The following VGLL4 variants were observed in gnomAD, a reference collection of about 807,000 sequenced individuals.
VGLL4 encodes transcription cofactor vestigial-like protein 4.
Under a neutral mutation model 21.0 loss-of-function variants are expected in VGLL4, and 7 were observed. That is an observed-to-expected ratio of 0.33 (90% confidence interval 0.19 to 0.63). VGLL4 has a LOEUF of 0.63. VGLL4 is among the 20% of genes least tolerant of loss of function. The pLI is 0.78. For missense variants in VGLL4, 394 were observed against 425.7 expected, an observed-to-expected ratio of 0.93 and a Z score of 0.66; for synonymous variants, 222 against 173.2, an observed-to-expected ratio of 1.28 and a Z score of -2.21.
intron 1 of VGLL4, among the ~76,000 whole-genome samples, chr3:11,615,013 A>G (rs529740616): frequency 1.3e-5 from 2 of 152,328 alleles, no homozygotes; most frequent in South Asian, 2.1e-4. Context: ...TTTTAGCTAC[A>G]TGCATACACG....
intron 1 of VGLL4, among the ~76,000 whole-genome samples, chr3:11,715,121 C>T (rs952489051): frequency 8.3e-5 from 12 of 144,728 alleles, no homozygotes; most frequent in Admixed American, 5.7e-4. Flanking sequence ...GGTGACAGAG[C>T]GAGACTCCGT....
chr3:11,592,255 C>G (rs984820531), intron 2 of VGLL4, among the ~76,000 whole-genome samples: 3 of 152,248 alleles, frequency 2.0e-5, no homozygotes, highest in Admixed American at 6.5e-5. Flanking sequence ...GCTTGGGCCA[C>G]TAACTTAAAA....
chr3:11,634,401 T>C (rs1226423467), intron 1 of VGLL4, among the ~76,000 whole-genome samples: 1 of 152,166 alleles, frequency 6.6e-6, no homozygotes, highest in Admixed American at 6.5e-5. Flanking sequence ...GTCTATCCAC[T>C]GCTTTCCTCT....
At position 11,568,981 on chromosome 3, in the gene VGLL4, G is replaced by GC; in HGVS notation, c.273-3963dup. The GC allele has an allele frequency of 1.1e-5, 12 of 1,139,512 alleles. No individual in the cohort carries two copies. Among genetic ancestry groups the GC allele is most frequent in the Non-Finnish European group, 1.3e-5 (12 of 916,752 alleles). 70.6% of individuals were successfully genotyped at this position (1,139,512 alleles called of 1,614,324 possible). On this transcript the variant is annotated intron_variant, in intron 2 of 4. Coordinates refer to ENST00000430365, the MANE Select transcript of VGLL4 (RefSeq NM_001128219.3). This position sits in a 1 kb window ranked among gnomAD's most constrained non-coding sequence, Gnocchi z 5.9. ...GGAAAGAGGAGGGAGGGAAAGAGAGGCCTACAACACCATCATCCAGGACAG... is the reference window on the plus strand; with the variant it reads ...GGAAAGAGGAGGGAGGGAAAGAGAGGCCCTACAACACCATCATCCAGGACAG...
chr3:11,572,610 T>C (rs73023125), intron 2 of VGLL4, among the ~76,000 whole-genome samples: 3,919 of 152,302 alleles, frequency 0.026, 74 homozygotes, highest in South Asian at 0.055. Flanking sequence ...TGTCGTCCTC[T>C]TGCCACACGT....
intron 2 of VGLL4, among the ~76,000 whole-genome samples, chr3:11,664,232 C>T (rs983602542): frequency 3.9e-5 from 6 of 152,044 alleles, no homozygotes; most frequent in African/African-American, 1.2e-4. Context: ...ATCAAGAGTC[C>T]GTCTCAAAAA....
Position 11,558,478 on chromosome 3 carries a change from T to A in VGLL4, c.*78A>T. The A allele has an allele frequency of 6.8e-7, 1 of 1,479,268 alleles. No homozygotes were observed. Among genetic ancestry groups the A allele is most frequent in the Non-Finnish European group, 9.0e-7 (1 of 1,113,212 alleles). The allele number at this position is 1,479,268 out of a possible 1,614,324, so 91.6% of individuals were successfully genotyped here. ...TTCCCCCCACCCCACCCCCATGATT[T>A]TTTTTTTTTTAAGTACTGACTGTTC... is the stretch of plus-strand genomic sequence containing the variant. On this transcript the variant is annotated 3_prime_UTR_variant, in exon 5 of 5. Coordinates refer to ENST00000430365, the MANE Select transcript of VGLL4 (RefSeq NM_001128219.3).
Position 11,568,735 on chromosome 3 carries a change from C to A in VGLL4, c.273-3716G>T, listed in dbSNP as rs992003268. The A allele has an allele frequency of 4.5e-5, 69 of 1,534,810 alleles. No homozygotes were observed. The African/African-American group carries it at 9.0e-4, about 20-fold the overall frequency. On this transcript the variant is annotated intron_variant, in intron 2 of 4. Coordinates refer to ENST00000430365, the MANE Select transcript of VGLL4 (RefSeq NM_001128219.3). This position sits in a 1 kb window ranked among gnomAD's most constrained non-coding sequence, Gnocchi z 5.9. ...ATGTGCTCCCGGGGACGGCAGAAAA[C>A]CGCACGCATCCTGCCCGGGAGATGG... is the stretch of plus-strand genomic sequence containing the variant.
Position 11,694,619 on chromosome 3 carries a change from C to CA in VGLL4, c.64+8351dup, listed in dbSNP as rs879905337. On this transcript the variant is annotated intron_variant, in intron 2 of 5. Coordinates refer to the VGLL4 transcript ENST00000273038. Reference sequence around the variant, plus strand: ...CCTGGGCAAGAGTGAGACACTGTCTCAAAAAAAAAAAAGAAAAAAGGACAG... The same window carrying CA: ...CCTGGGCAAGAGTGAGACACTGTCTCAAAAAAAAAAAAAGAAAAAAGGACAG... 6.4e-3 allele frequency among the ~76,000 whole-genome samples: 791 copies of CA among 123,124 alleles called. 4 individuals are homozygous for CA. Among genetic ancestry groups the CA allele is most frequent in the African/African-American group, 0.014 (475 of 32,912 alleles). 80.8% of individuals were successfully genotyped at this position (123,124 alleles called of 152,430 possible).
chr3:11,685,404 G>T (rs1273756092), intron 2 of VGLL4, among the ~76,000 whole-genome samples: 1 of 151,968 alleles, frequency 6.6e-6, no homozygotes, highest in Non-Finnish European at 1.5e-5. Flanking sequence ...TCATCATGTT[G>T]GTCAGGCTGG....
At chr3:11,673,187 G>C (rs1469679530) in intron 2 of VGLL4, among the ~76,000 whole-genome samples, 3 of 152,110 alleles carry the variant, frequency 2.0e-5, no homozygotes, top group African/African-American at 4.8e-5. Flanking sequence ...GGAAGATAGA[G>C]ACCAAGTTAA....
chr3:11,639,861 G>A (rs1205623851), intron 1 of VGLL4, among the ~76,000 whole-genome samples: 5 of 151,884 alleles, frequency 3.3e-5, no homozygotes, highest in Non-Finnish European at 5.9e-5. Context: ...GGGCGACAGA[G>A]CAAGACTCCG....
At chr3:11,640,334 A>AG (rs1227657980) in intron 1 of VGLL4, among the ~76,000 whole-genome samples, 2 of 152,040 alleles carry the variant, frequency 1.3e-5, no homozygotes, top group Non-Finnish European at 2.9e-5. Flanking sequence ...TGTTCAGAGG[A>AG]GGGAAAAAAT....
intron 2 of VGLL4, among the ~76,000 whole-genome samples, chr3:11,677,427 A>G (rs1157185586): frequency 1.3e-5 from 2 of 151,872 alleles, no homozygotes; most frequent in African/African-American, 4.8e-5. Flanking sequence ...GTGCCACCAC[A>G]CCCAGCTAAT....
At chr3:11,560,109 T>C (rs183887796) in intron 3 of VGLL4, among the ~76,000 whole-genome samples, 9 of 151,874 alleles carry the variant, frequency 5.9e-5, no homozygotes, top group Non-Finnish European at 8.8e-5. Context: ...CTTCAAGCCC[T>C]GTTCAGATCT....
intron 1 of VGLL4, among the ~76,000 whole-genome samples, chr3:11,612,376 A>G (rs1212896191): frequency 6.6e-6 from 1 of 152,190 alleles, no homozygotes; most frequent in Non-Finnish European, 1.5e-5. Context: ...GGGTCAAACT[A>G]ATGTCTTACT....
intron 1 of VGLL4, among the ~76,000 whole-genome samples, chr3:11,626,695 A>G (rs959380633): frequency 1.3e-5 from 2 of 152,226 alleles, no homozygotes; most frequent in African/African-American, 4.8e-5. Context: ...AGTAAAGAAC[A>G]GTTGGCTGAA....
chr3:11,627,230 A>ACACTCTCTCTCTCTCTCT (rs1491347863), intron 1 of VGLL4: 1 of 123,270 alleles, frequency 8.1e-6, no homozygotes, highest in African/African-American at 3.3e-5. Context: ...ACACACACAC[A>ACACTCTCTCTCTCTCTCT]CTCTCTCTCT....
chr3:11,561,815 C>T (rs2073033503), intron 3 of VGLL4, among the ~76,000 whole-genome samples: 1 of 151,378 alleles, frequency 6.6e-6, no homozygotes, highest in African/African-American at 2.4e-5. Flanking sequence ...TGTCCTCAGA[C>T]AGAGGCTGCC....
Sources: allele counts gnomAD v4.1 joint callset (sites outside exome capture counted in the v4.1 genomes callset), GRCh38; gene constraint gnomAD v4.1.1; non-coding constraint Gnocchi (gnomAD v3.1); transcripts MANE v1.5; gene names NCBI Gene and HGNC (gene_info 2026-07-23, HGNC 2026-07-21).